Variants in TENM1 observed in about 807,000 individuals in gnomAD.
The protein encoded by TENM1 is teneurin-1.
A neutral mutation model predicts 174.8 loss-of-function variants in TENM1; 35 were observed. The ratio of observed to expected loss-of-function variants is 0.20; its 90% CI spans 0.15 to 0.27. TENM1 has a LOEUF of 0.27. Ranked by LOEUF, TENM1 falls within the 10% of genes least tolerant of loss-of-function variation. The pLI is 1.00. For missense variants in TENM1, 1,633 were observed against 2,130.1 expected, an observed-to-expected ratio of 0.77 and a Z score of 4.59; for synonymous variants, 781 against 798.7, an observed-to-expected ratio of 0.98 and a Z score of 0.37.
the TENM1 span, among the ~76,000 whole-genome samples, chrX:125,180,593 C>A: frequency 6.4e-5 from 7 of 109,595 alleles, no homozygotes; most frequent in Admixed American, 1.9e-4. Context: ...CAGGAGTTGC[C>A]CTTAAGCAAG....
chrX:124,516,892 T>C (rs948583580), intron 18 of TENM1, among the ~76,000 whole-genome samples: 1 of 111,622 alleles, frequency 9.0e-6, no homozygotes, highest in African/African-American at 3.3e-5. Flanking sequence ...AGACGTGGAA[T>C]CACCCTAAAT....
intron 20 of TENM1, among the ~76,000 whole-genome samples, chrX:124,489,032 G>A (rs1193246750): frequency 8.9e-6 from 1 of 112,676 alleles, no homozygotes; most frequent in East Asian, 2.8e-4. Flanking sequence ...TTTCCAGTGT[G>A]TGACCTTGTT....
the TENM1 span, among the ~76,000 whole-genome samples, chrX:125,010,868 T>C: frequency 9.4e-6 from 1 of 105,917 alleles, no homozygotes; most frequent in Non-Finnish European, 1.9e-5. Flanking sequence ...AGAGGCCATA[T>C]AGCCAAGACA....
At chrX:124,888,342 A>G (rs2057422647) in intron 3 of TENM1, among the ~76,000 whole-genome samples, 2 of 111,381 alleles carry the variant, frequency 1.8e-5, no homozygotes, top group African/African-American at 6.5e-5. Flanking sequence ...GCCGCCCAAC[A>G]GTCAAGGAAA....
chrX:124,675,607 T>TG (rs2052050197), intron 5 of TENM1, among the ~76,000 whole-genome samples: 1 of 108,940 alleles, frequency 9.2e-6, no homozygotes, highest in African/African-American at 3.3e-5. Flanking sequence ...GGCACTGTTT[T>TG]TTTTTTTTTT....
the TENM1 span, among the ~76,000 whole-genome samples, chrX:125,035,617 C>T: frequency 5.4e-5 from 6 of 110,878 alleles, no homozygotes; most frequent in African/African-American, 2.0e-4. Flanking sequence ...AAAAAATGGC[C>T]CTGAAAAGAA....
At chrX:125,015,257 G>GT in the TENM1 span, among the ~76,000 whole-genome samples, 3 of 111,167 alleles carry the variant, frequency 2.7e-5, no homozygotes, top group Non-Finnish European at 5.7e-5. Flanking sequence ...AAATTTAACT[G>GT]TTTATCTAGG....
intron 1 of TENM1, among the ~76,000 whole-genome samples, chrX:124,903,396 G>A (rs1337250253): frequency 9.0e-6 from 1 of 111,201 alleles, no homozygotes; most frequent in East Asian, 2.8e-4. Flanking sequence ...TGTAAAAATG[G>A]CTCAAATCAG....
chrX:125,156,297 G>A, the TENM1 span, among the ~76,000 whole-genome samples: 2 of 111,394 alleles, frequency 1.8e-5, no homozygotes, highest in Non-Finnish European at 3.8e-5. Context: ...TACCTGTGTA[G>A]GTTTGTTATA....
chrX:124,406,621 A>G, intron 25 of TENM1, 132 bp from the exon 29 acceptor site: 1 of 409,563 alleles, frequency 2.4e-6, no homozygotes, highest in South Asian at 6.3e-5. Flanking sequence ...CTTGTTCAAG[A>G]AGAAGAAAAA....
chrX:124,553,633 A>C (rs921443540), intron 14 of TENM1, among the ~76,000 whole-genome samples: 1 of 109,867 alleles, frequency 9.1e-6, no homozygotes, highest in Non-Finnish European at 1.9e-5. Context: ...TAAAAAAAAA[A>C]AAAAAAAAAA....
chrX:124,920,873 T>TCCCCC (rs1409965185), intron 1 of TENM1, among the ~76,000 whole-genome samples: 1 of 110,042 alleles, frequency 9.1e-6, no homozygotes, highest in African/African-American at 3.3e-5. Flanking sequence ...TGTTTTCCCA[T>TCCCCC]CCCCCCTTAC....
At chrX:125,005,651 G>A in the TENM1 span, among the ~76,000 whole-genome samples, 4 of 110,223 alleles carry the variant, frequency 3.6e-5, no homozygotes, top group Non-Finnish European at 7.6e-5. Flanking sequence ...ATGCAGAGGC[G>A]GGTGATTTCT....
the TENM1 span, among the ~76,000 whole-genome samples, chrX:125,092,291 C>CA: frequency 9.0e-6 from 1 of 110,879 alleles, no homozygotes; most frequent in Non-Finnish European, 1.9e-5. Context: ...GCTATTCAAT[C>CA]AAAAAAAGGA....
intron 15 of TENM1, among the ~76,000 whole-genome samples, chrX:124,541,645 C>T (rs5958513): frequency 0.14 from 16,078 of 111,303 alleles, 1,022 homozygotes; most frequent in East Asian, 0.37. Context: ...TGAGAATGAC[C>T]TAATACAGAG....
At chrX:124,618,582 T>G (rs892893972) in intron 11 of TENM1, among the ~76,000 whole-genome samples, 3 of 111,921 alleles carry the variant, frequency 2.7e-5, no homozygotes. Context: ...TGTTTGCTTT[T>G]GTAAGCATTA....
At chrX:124,917,445 G>C (rs1027646473) in intron 1 of TENM1, among the ~76,000 whole-genome samples, 2 of 111,757 alleles carry the variant, frequency 1.8e-5, no homozygotes, top group Non-Finnish European at 3.8e-5. Flanking sequence ...TTCAGGATCA[G>C]GTCTCTGCTA....
chrX:124,765,811 T>A (rs1203225414), intron 3 of TENM1, among the ~76,000 whole-genome samples: 2 of 112,063 alleles, frequency 1.8e-5, no homozygotes, highest in African/African-American at 6.5e-5. Context: ...CTGTTTCACA[T>A]TTCTTTCAGA....
chrX:124,650,047 C>T (rs762128045), intron 8 of TENM1, among the ~76,000 whole-genome samples: 2 of 108,342 alleles, frequency 1.8e-5, no homozygotes, highest in South Asian at 8.2e-4. Context: ...ACTAAAAATA[C>T]AAAAATTAGC....
Sources: gnomAD v4.1 joint callset for allele counts (sites outside exome capture counted in the v4.1 genomes callset) on GRCh38, gnomAD v4.1.1 for gene constraint, MANE v1.5 for transcripts, NCBI Gene and HGNC (gene_info 2026-07-23, HGNC 2026-07-21) for gene names.